S1PR3: variants seen among roughly 807,000 people sequenced by gnomAD.
S1PR3 encodes the protein sphingosine-1-phosphate receptor 3.
In S1PR3, 12 loss-of-function variants were observed where a neutral mutation model predicts 13.3. The ratio of observed to expected loss-of-function variants is 0.90; its 90% CI spans 0.58 to 1.46. The LOEUF is 1.46. S1PR3 is among the 40% of genes most tolerant of loss of function. The probability of loss-of-function intolerance (pLI) is 0.00; values close to 1 mark genes in which losing one functional copy is unlikely to be tolerated. For synonymous variants in S1PR3, 232 were observed against 214.0 expected, an observed-to-expected ratio of 1.08 and a Z score of -0.73; for missense variants, 450 against 501.9, an observed-to-expected ratio of 0.90 and a Z score of 0.99.
rs1350198626 is a variant in S1PR3, at chr9:89,001,572, G to A, written c.372G>A (p.Ala124=). 5.0e-6 allele frequency: 8 copies of A among 1,614,218 alleles called. No individual in the cohort carries two copies. The South Asian group carries it at 8.8e-5, about 18-fold the overall frequency. Residue 124 remains alanine, a synonymous_variant, in exon 2 of 2, where the codon GCG becomes GCA. Coordinates refer to ENST00000358157, the MANE Select transcript of S1PR3 (RefSeq NM_005226.4). ...REGSMFVALG[A]STCSLLAIAI... ...GCAGTATGTTCGTGGCCCTTGGGGC[G>A]TCCACCTGCAGCTTACTGGCCATCG...
At position 89,002,343 on chromosome 9, in the gene S1PR3, T is replaced by C; in HGVS notation, c.*6T>C. The C allele has an allele frequency of 6.2e-7, 1 of 1,613,468 alleles. No individual in the cohort carries two copies. Among genetic ancestry groups the C allele is most frequent in the African/African-American group, 1.3e-5 (1 of 75,026 alleles). On this transcript the variant is annotated 3_prime_UTR_variant, in exon 2 of 2. Coordinates refer to ENST00000358157, the MANE Select transcript of S1PR3 (RefSeq NM_005226.4). ...ATGGGATCTTCTGCAACTGATCGTC[T>C]CCATGCGCCCTGCTCTGCGGCTGTG...
chr9:89,002,415 T>TG lies in S1PR3; in HGVS notation c.*79dup. 2 of 1,502,416 alleles carry TG rather than the reference T, an allele frequency of 1.3e-6. No homozygotes were observed. The highest frequency in any genetic ancestry group is 1.8e-6 in the Non-Finnish European group (2 of 1,111,656). The allele number at this position is 1,502,416 out of a possible 1,614,324, so 93.1% of individuals were successfully genotyped here. A position where few individuals can be genotyped will look rare whatever the true frequency, so the allele number is the denominator to read the frequency against. ...GCTTCCACAGGGGCCCCTCAAGAGC[T>TG]GTGACTCGGGAGAGCTACCTTACTT... On this transcript the variant is annotated 3_prime_UTR_variant, in exon 2 of 2. Coordinates refer to ENST00000358157, the MANE Select transcript of S1PR3 (RefSeq NM_005226.4).
chr9:88,996,946 A>G (rs1266552147), intron 1 of S1PR3: 5 of 152,202 alleles, frequency 3.3e-5, no homozygotes, highest in Non-Finnish European at 1.5e-5. Context: ...ACTCTTGTCC[A>G]TGAGATGCTT....
chr9:89,001,012 T>G, intron 1 of S1PR3, 42 bp from the exon 2 acceptor site: 14 of 632,236 alleles, frequency 2.2e-5, no homozygotes, highest in Middle Eastern at 4.5e-4. Flanking sequence ...TAGGCGGCGA[T>G]CGTTTTATCA....
In S1PR3 at chr9:88,991,908, G is replaced by A; in HGVS notation, c.-148+213G>A. ...CCACCGCACCCGGAGCGTTTACAAC[G>A]GGCTGGAGCTGAATACCTGGATGAA... is the stretch of plus-strand genomic sequence containing the variant. On this transcript the variant is annotated intron_variant, in intron 1 of 1. Coordinates refer to ENST00000358157, the MANE Select transcript of S1PR3 (RefSeq NM_005226.4). The surrounding 1 kb of genome is among the most constrained non-coding windows in gnomAD (Gnocchi z 4.0). 1 of 1,614,198 alleles carries A rather than the reference G, an allele frequency of 6.2e-7. No individual in the cohort carries two copies. The highest frequency in any genetic ancestry group is 1.1e-5 in the South Asian group (1 of 91,090).
intron 1 of S1PR3, chr9:88,992,145 C>A (rs1359160069): frequency 1.9e-6 from 2 of 1,027,810 alleles, no homozygotes; most frequent in South Asian, 1.5e-5. Context: ...CCGTCAGAAT[C>A]GGTGCTGGAA....
At chr9:88,993,713 T>G (rs10867149) in intron 1 of S1PR3, 1 of 152,092 alleles carries the variant, frequency 6.6e-6, no homozygotes, top group African/African-American at 2.4e-5. Context: ...GTTAATAACA[T>G]GTTTCAGTTG....
At chr9:88,994,200 C>G (rs1825768343) in intron 1 of S1PR3, 1 of 167,162 alleles carries the variant, frequency 6.0e-6, no homozygotes, top group South Asian at 2.1e-4. Context: ...CGGCCCAGCC[C>G]CTTCCCAGCT....
chr9:88,993,833 C>G (rs1228853186), intron 1 of S1PR3: 1 of 152,236 alleles, frequency 6.6e-6, no homozygotes, highest in African/African-American at 2.4e-5. Context: ...TGGGTTAAAT[C>G]AGTGACGAGA....
chr9:88,995,326 C>T, intron 1 of S1PR3: 1 of 166,976 alleles, frequency 6.0e-6, no homozygotes, highest in African/African-American at 2.4e-5. Flanking sequence ...TATTTTTTCT[C>T]TTTTTCTTCC....
chr9:88,994,653 G>C (rs1825775696), intron 1 of S1PR3: 1 of 166,216 alleles, frequency 6.0e-6, no homozygotes, highest in Non-Finnish European at 1.5e-5. Context: ...AGATGCTCGG[G>C]GCCGGGGCCT....
In S1PR3 at chr9:89,002,434, C is replaced by T. The variant is rs1825883209; in HGVS notation, c.*97C>T. On this transcript the variant is annotated 3_prime_UTR_variant, in exon 2 of 2. Transcript: ENST00000358157. ...AAGAGCTGTGACTCGGGAGAGCTAC[C>T]TTACTTTGACCAACAGCCTGCCCAG... 1 of 1,414,340 alleles carries T rather than the reference C, an allele frequency of 7.1e-7. No homozygotes were observed. The highest frequency in any genetic ancestry group is 1.4e-5 in the African/African-American group (1 of 70,198). The allele number at this position is 1,414,340 out of a possible 1,614,324, so 87.6% of individuals were successfully genotyped here. A position where few individuals can be genotyped will look rare whatever the true frequency, so the allele number is the denominator to read the frequency against.
chr9:88,995,695 G>T (rs1825793980), intron 1 of S1PR3: 2 of 167,108 alleles, frequency 1.2e-5, no homozygotes. Flanking sequence ...TCAGATGTAA[G>T]CAGTGTCTCT....
rs1825703188 is a variant in S1PR3, at chr9:88,991,534, A to G, written c.-309A>G. 1.9e-6 allele frequency: 3 copies of G among 1,547,438 alleles called. No individual in the cohort carries two copies. Among genetic ancestry groups the G allele is most frequent in the African/African-American group, 1.4e-5 (1 of 72,512 alleles). On this transcript the variant is annotated 5_prime_UTR_variant, in exon 1 of 2. Coordinates refer to ENST00000358157, the MANE Select transcript of S1PR3 (RefSeq NM_005226.4). This position sits in a 1 kb window ranked among gnomAD's most constrained non-coding sequence, Gnocchi z 4.0. ...TCAGGGACCAGAAGGCGGCTGCAGG[A>G]CGCGACCGAGCAGGACCCCAGGCCC... is the stretch of plus-strand genomic sequence containing the variant.
chr9:88,995,142 T>G (rs1385436153), intron 1 of S1PR3: 1 of 167,098 alleles, frequency 6.0e-6, no homozygotes, highest in Non-Finnish European at 1.5e-5. Context: ...TTTGGTGTTT[T>G]GATTCAGTTT....
chr9:88,991,378 G>T, upstream of S1PR3: 7 of 1,271,066 alleles, frequency 5.5e-6, no homozygotes, highest in Non-Finnish European at 7.6e-6. This position sits in a 1 kb window ranked among gnomAD's most constrained non-coding sequence, Gnocchi z 4.0. Context: ...GGGGAGAGGG[G>T]CGGGAGTCGG....
Position 88,991,932 on chromosome 9 carries a change from A to G in S1PR3, c.-148+237A>G. On this transcript the variant is annotated intron_variant, in intron 1 of 1. Coordinates refer to ENST00000358157, the MANE Select transcript of S1PR3 (RefSeq NM_005226.4). This position sits in a 1 kb window ranked among gnomAD's most constrained non-coding sequence, Gnocchi z 4.0. ...CGGGCTGGAGCTGAATACCTGGATGAAAGTGGAGAGGCTGTTCGTGGAGAA... is the reference window on the plus strand; with the variant it reads ...CGGGCTGGAGCTGAATACCTGGATGGAAGTGGAGAGGCTGTTCGTGGAGAA... 6.2e-7 allele frequency: 1 copy of G among 1,614,198 alleles called. No homozygotes were observed.
chr9:89,003,293 T>A lies in S1PR3; in HGVS notation c.*956T>A, dbSNP rs761659115. ...AGAGATTCACAAGACAGCACTTTGA[T>A]TCTATGTTGAGTTTGTTTCTATATT... On this transcript the variant is annotated 3_prime_UTR_variant, in exon 2 of 2. Coordinates refer to ENST00000358157, the MANE Select transcript of S1PR3 (RefSeq NM_005226.4). 6.0e-6 allele frequency: 1 copy of A among 167,126 alleles called. No homozygotes were observed. The highest frequency in any genetic ancestry group is 1.5e-5 in the Non-Finnish European group (1 of 68,132). The allele number at this position is 167,126 out of a possible 1,614,324, so 10.4% of individuals were successfully genotyped here. A position where few individuals can be genotyped will look rare whatever the true frequency, so the allele number is the denominator to read the frequency against.
At position 89,001,971 on chromosome 9, in the gene S1PR3, C is replaced by T. The variant is rs563778691; in HGVS notation, c.771C>T (p.Ser257=). 1.2e-6 allele frequency: 2 copies of T among 1,614,160 alleles called. No homozygotes were observed. Among genetic ancestry groups the T allele is most frequent in the Non-Finnish European group, 1.7e-6 (2 of 1,180,042 alleles). Residue 257 remains serine, a synonymous_variant, in exon 2 of 2, where the codon TCC becomes TCT. Transcript: ENST00000358157. ...TGAGCGTGTTCATCGCCTGCTGGTC[C>T]CCACTCTTCATCCTCTTCCTCATTG... ...IVVSVFIACW[S]PLFILFLIDV... is the part of the protein sequence containing the mutation.
Sources: allele counts gnomAD v4.1 joint callset, GRCh38; gene constraint gnomAD v4.1.1; non-coding constraint Gnocchi (gnomAD v3.1); transcripts MANE v1.5; gene names NCBI Gene and HGNC (gene_info 2026-07-23, HGNC 2026-07-21).